The following ADGRB3 variants were observed in gnomAD, a reference collection of about 807,000 sequenced individuals.
The protein encoded by ADGRB3 is adhesion G protein-coupled receptor B3.
A neutral mutation model predicts 193.4 loss-of-function variants in ADGRB3; 37 were observed. That is an observed-to-expected ratio of 0.19 (90% CI 0.15 to 0.25). The LOEUF is 0.25. Among genes scored for constraint, ADGRB3 ranks in the 10% least tolerant of loss-of-function variants. The pLI is 1.00. For missense variants in ADGRB3, 1,637 were observed against 1,852.9 expected (o/e 0.88, Z 2.14); for synonymous variants, 690 against 644.2 (o/e 1.07, Z -1.08).
intron 17 of ADGRB3, among the ~76,000 whole-genome samples, chr6:69,183,307 T>A (rs1764981104): frequency 6.6e-6 from 1 of 152,114 alleles, no homozygotes. Context: ...TGACTTAAAA[T>A]TGCCCTGCAC....
chr6:69,029,447 A>G (rs1204680776), intron 13 of ADGRB3, among the ~76,000 whole-genome samples: 1 of 152,220 alleles, frequency 6.6e-6, no homozygotes, highest in Non-Finnish European at 1.5e-5. Context: ...CTTTCATTCT[A>G]AGGCACATAA....
At chr6:68,814,493 T>G (rs1458674231) in intron 3 of ADGRB3, among the ~76,000 whole-genome samples, 1 of 152,214 alleles carries the variant, frequency 6.6e-6, no homozygotes, top group Non-Finnish European at 1.5e-5. Context: ...TCCCATTCTG[T>G]AGGTTGCCTG....
At chr6:68,863,884 T>G (rs1483608131) in intron 3 of ADGRB3, among the ~76,000 whole-genome samples, 1 of 152,140 alleles carries the variant, frequency 6.6e-6, no homozygotes, top group Non-Finnish European at 1.5e-5. Flanking sequence ...GGGATATTTG[T>G]GGGATAAAGC....
chr6:69,348,851 A>G (rs1467666871), intron 26 of ADGRB3, among the ~76,000 whole-genome samples: 1 of 152,226 alleles, frequency 6.6e-6, no homozygotes, highest in East Asian at 1.9e-4. Flanking sequence ...TTTTATCTAA[A>G]TCATAAAAGG....
At chr6:69,229,371 T>A (rs900167751) in intron 17 of ADGRB3, among the ~76,000 whole-genome samples, 1 of 152,148 alleles carries the variant, frequency 6.6e-6, no homozygotes, top group Non-Finnish European at 1.5e-5. Flanking sequence ...ACTATTATTA[T>A]GATTTGGAAA....
At chr6:69,375,322 A>G (rs139398454) in intron 30 of ADGRB3, among the ~76,000 whole-genome samples, 77 of 152,256 alleles carry the variant, frequency 5.1e-4, no homozygotes, top group Middle Eastern at 6.8e-3. Context: ...TGAAGTAGAA[A>G]TACCAATTAG....
chr6:68,664,809 A>G (rs979537961), intron 3 of ADGRB3, among the ~76,000 whole-genome samples: 2 of 151,746 alleles, frequency 1.3e-5, no homozygotes, highest in African/African-American at 4.8e-5. Flanking sequence ...CTGCCTCCAA[A>G]TATTTGTCTG....
At position 69,389,038 on chromosome 6, in the gene ADGRB3, A is replaced by T; in HGVS notation, c.*147A>T. 1 of 752,496 alleles carries T rather than the reference A, an allele frequency of 1.3e-6. No homozygotes were observed. Among genetic ancestry groups the T allele is most frequent in the South Asian group, 1.9e-5 (1 of 52,284 alleles). 46.6% of individuals were successfully genotyped at this position (752,496 alleles called of 1,614,324 possible). A position where few individuals can be genotyped will look rare whatever the true frequency, so the allele number is the denominator to read the frequency against. On this transcript the variant is annotated 3_prime_UTR_variant, in exon 32 of 32. Transcript: ENST00000370598. Reference sequence around the variant, plus strand: ...ACGTCAGTGGTGTTTTCATATGGTAACTTCTCACTAGTCAGGCTAGTGGAG... The same window carrying T: ...ACGTCAGTGGTGTTTTCATATGGTATCTTCTCACTAGTCAGGCTAGTGGAG...
chr6:69,116,865 A>C (rs1258147597), intron 17 of ADGRB3, among the ~76,000 whole-genome samples: 1 of 152,230 alleles, frequency 6.6e-6, no homozygotes, highest in Non-Finnish European at 1.5e-5. Context: ...GCTGATATGC[A>C]TGCTTCATTA....
chr6:68,720,473 G>A (rs934040662), intron 3 of ADGRB3, among the ~76,000 whole-genome samples: 1 of 151,702 alleles, frequency 6.6e-6, no homozygotes, highest in Non-Finnish European at 1.5e-5. Context: ...AGTACTCAGT[G>A]AAATTTGTAT....
chr6:69,345,427 G>A (rs1227231494), intron 26 of ADGRB3, among the ~76,000 whole-genome samples: 1 of 152,014 alleles, frequency 6.6e-6, no homozygotes, highest in Non-Finnish European at 1.5e-5. Flanking sequence ...TTCATCCCTG[G>A]GATGCAAGTC....
chr6:69,387,930 A>G (rs1770108948), intron 31 of ADGRB3, among the ~76,000 whole-genome samples: 1 of 152,104 alleles, frequency 6.6e-6, no homozygotes, highest in Non-Finnish European at 1.5e-5. Flanking sequence ...AATAAAAAGG[A>G]AATTGGAATA....
chr6:68,768,219 G>A (rs1198585772), intron 3 of ADGRB3, among the ~76,000 whole-genome samples: 4 of 152,124 alleles, frequency 2.6e-5, no homozygotes, highest in Non-Finnish European at 4.4e-5. Flanking sequence ...CCAGAAAAGA[G>A]CCCATATAGC....
At chr6:69,051,489 T>C (rs1264801650) in intron 15 of ADGRB3, among the ~76,000 whole-genome samples, 3 of 152,218 alleles carry the variant, frequency 2.0e-5, no homozygotes, top group Non-Finnish European at 4.4e-5. Context: ...ATAGGACAAC[T>C]AAATAGTGCT....
At chr6:68,897,853 AAAC>A (rs1010998399) in intron 3 of ADGRB3, among the ~76,000 whole-genome samples, 4 of 147,354 alleles carry the variant, frequency 2.7e-5, no homozygotes, top group African/African-American at 4.9e-5. Context: ...AGAAAGAAGA[AAAC>A]AAAAGAAAAA....
intron 17 of ADGRB3, among the ~76,000 whole-genome samples, chr6:69,092,820 G>A (rs569894256): frequency 2.0e-5 from 3 of 152,310 alleles, no homozygotes; most frequent in Non-Finnish European, 4.4e-5. Flanking sequence ...GTGACTGGGG[G>A]AGGGAAGGGG....
At chr6:69,013,936 A>G in intron 11 of ADGRB3, 102 bp from the exon 12 acceptor site, 1 of 620,980 alleles carries the variant, frequency 1.6e-6, no homozygotes, top group Non-Finnish European at 2.7e-6. Flanking sequence ...GCAATATTGC[A>G]AAGTGCTTAT....
At chr6:69,331,589 C>T in intron 23 of ADGRB3, 2 of 985,198 alleles carry the variant, frequency 2.0e-6, no homozygotes, top group Non-Finnish European at 2.4e-6. Context: ...CTATAATTTG[C>T]AAGAAAAATA....
intron 3 of ADGRB3, among the ~76,000 whole-genome samples, chr6:68,675,892 T>C (rs1178354481): frequency 6.6e-6 from 1 of 152,206 alleles, no homozygotes; most frequent in African/African-American, 2.4e-5. Context: ...TGAGTAGAAA[T>C]TGAAGAATCC....
Sources: gnomAD v4.1 joint callset for allele counts (sites outside exome capture counted in the v4.1 genomes callset) on GRCh38, gnomAD v4.1.1 for gene constraint, MANE v1.5 for transcripts, NCBI Gene and HGNC (gene_info 2026-07-23, HGNC 2026-07-21) for gene names.